PHC1: variants seen among roughly 807,000 people sequenced by gnomAD.
The protein encoded by PHC1 is polyhomeotic homolog 1.
In PHC1, 12 loss-of-function variants were observed where a neutral mutation model predicts 104.3. The ratio of observed to expected loss-of-function variants is 0.12; its 90% CI spans 0.07 to 0.19. The LOEUF (loss-of-function observed/expected upper bound fraction) is 0.19. Ranked by LOEUF, PHC1 falls within the 10% of genes least tolerant of loss-of-function variation. The pLI is 1.00. For missense variants in PHC1, 671 were observed against 1,200.0 expected (o/e 0.56, Z 6.51); for synonymous variants, 302 against 455.8 (o/e 0.66, Z 4.30).
rs781197942 is a variant in PHC1 at position 8,930,897 on chromosome 12, C to G, written c.1075C>G (p.Pro359Ala). Reference protein sequence around the residue: ...VGMNLTRTATPAPSQTLISSA... With the variant: ...VGMNLTRTATAAPSQTLISSA... ...CATGAACCTGACACGGACAGCCACA[C>G]CTGCGCCCAGCCAGACACTTATTAG... Residue 359 changes from proline to alanine, a missense_variant, in exon 7 of 15, where the codon CCT becomes GCT. Pro to Ala is a conservative substitution (Grantham distance 27). This residue lies in a region of PHC1 where 78 missense variants were observed against 140.8 expected (regional missense o/e 0.55). Coordinates refer to ENST00000544916, the MANE Select transcript of PHC1 (RefSeq NM_004426.3). 6.2e-7 allele frequency: 1 copy of G among 1,600,204 alleles called. No individual in the cohort carries two copies. Among genetic ancestry groups the G allele is most frequent in the Non-Finnish European group, 8.5e-7 (1 of 1,171,934 alleles).
chr12:8,928,420 T>C (rs975026047), intron 6 of PHC1, among the ~76,000 whole-genome samples: 5 of 128,370 alleles, frequency 3.9e-5, no homozygotes, highest in African/African-American at 1.2e-4. Context: ...GGTCTCGTCA[T>C]AACCTGTTAA....
chr12:8,929,699 C>T (rs938090934), intron 6 of PHC1, among the ~76,000 whole-genome samples: 1 of 151,814 alleles, frequency 6.6e-6, no homozygotes, highest in African/African-American at 2.4e-5. Context: ...GGCTAATTTT[C>T]TGTATTTTTT....
At chr12:8,920,434 G>A (rs762855088) in intron 3 of PHC1, among the ~76,000 whole-genome samples, 4 of 152,220 alleles carry the variant, frequency 2.6e-5, no homozygotes, top group African/African-American at 4.8e-5. Flanking sequence ...CTAGCTGGGC[G>A]TGGTGGCTTA....
intron 6 of PHC1, among the ~76,000 whole-genome samples, chr12:8,923,829 C>CAAAA (rs67936637): frequency 3.3e-5 from 4 of 122,386 alleles, no homozygotes; most frequent in Non-Finnish European, 4.8e-5. Context: ...GACTCCGTCT[C>CAAAA]AAAAAAAAAA....
chr12:8,923,919 G>A (rs11048037), intron 6 of PHC1, among the ~76,000 whole-genome samples: 2 of 151,408 alleles, frequency 1.3e-5, no homozygotes, highest in East Asian at 1.9e-4. Flanking sequence ...ATACAGCATC[G>A]TGTAACCATT....
At chr12:8,936,288 G>C (rs757530929) in intron 11 of PHC1, among the ~76,000 whole-genome samples, 1 of 152,292 alleles carries the variant, frequency 6.6e-6, no homozygotes, top group East Asian at 1.9e-4. Context: ...AGGCCAAAGT[G>C]GGAGGATCGC....
chr12:8,931,461 A>G (rs1317058865), intron 7 of PHC1, among the ~76,000 whole-genome samples: 8 of 152,152 alleles, frequency 5.3e-5, no homozygotes, highest in Admixed American at 1.3e-4. Context: ...AGCACTTTGG[A>G]AGGCCAAGGC....
chr12:8,924,863 A>G (rs1178416578), intron 6 of PHC1, among the ~76,000 whole-genome samples: 1 of 152,178 alleles, frequency 6.6e-6, no homozygotes. Flanking sequence ...AGGAAGAACT[A>G]TAGGGAGAAT....
chr12:8,935,185 G>C lies in PHC1; in HGVS notation c.2315G>C (p.Gly772Ala). Reference sequence around the variant, plus strand: ...CCACTACAGACTGGCCTTCCGACAGGGCTGACTGAGAATCAGTCAGGTGGC... The same window carrying C: ...CCACTACAGACTGGCCTTCCGACAGCGCTGACTGAGAATCAGTCAGGTGGC... ...EKPLQTGLPT[G>A]LTENQSGGPL... Residue 772 changes from glycine to alanine, a missense_variant, in exon 11 of 15, where the codon GGG becomes GCG. Around this residue, in one of 9 missense-constraint regions of PHC1, gnomAD observed 192 missense variants for 280.5 expected, o/e 0.68. Transcript: ENST00000544916. 6.3e-7 allele frequency: 1 copy of C among 1,592,496 alleles called. No homozygotes were observed. Among genetic ancestry groups the C allele is most frequent in the Non-Finnish European group, 8.6e-7 (1 of 1,166,728 alleles).
At chr12:8,922,860 A>G (rs754361764) in intron 6 of PHC1, 72 bp downstream of exon 6, 6 of 1,349,236 alleles carry the variant, frequency 4.4e-6, no homozygotes, top group Non-Finnish European at 5.1e-6. Context: ...ACCTGGGTCC[A>G]CCCTTCTGCC....
chr12:8,935,908 G>C (rs1392242353), intron 11 of PHC1, among the ~76,000 whole-genome samples: 1 of 151,958 alleles, frequency 6.6e-6, no homozygotes. Flanking sequence ...TTACAGGCAT[G>C]CGCCACCACG....
In PHC1 at chr12:8,933,370, T is replaced by G; in HGVS notation, c.1893+20T>G. On this transcript the variant is annotated intron_variant, in intron 8 of 14. Coordinates refer to ENST00000544916, the MANE Select transcript of PHC1 (RefSeq NM_004426.3). Reference sequence around the variant, plus strand: ...TTGCCGGTGAGTGATGTCTGATGGTTTTGAGGGCACTATTATGCATGAGAG... The same window carrying G: ...TTGCCGGTGAGTGATGTCTGATGGTGTTGAGGGCACTATTATGCATGAGAG... 2 of 1,539,866 alleles carry G rather than the reference T, an allele frequency of 1.3e-6. No individual in the cohort carries two copies. Among genetic ancestry groups the G allele is most frequent in the East Asian group, 2.4e-5 (1 of 42,442 alleles).
chr12:8,928,482 G>A (rs933006923), intron 6 of PHC1, among the ~76,000 whole-genome samples: 4 of 152,028 alleles, frequency 2.6e-5, no homozygotes, highest in Non-Finnish European at 5.9e-5. Flanking sequence ...GTGCAGTTCC[G>A]TCTACTGCCT....
chr12:8,931,608 G>C (rs1945687449), intron 7 of PHC1, among the ~76,000 whole-genome samples: 1 of 152,228 alleles, frequency 6.6e-6, no homozygotes, highest in Non-Finnish European at 1.5e-5. Flanking sequence ...GCTGAAGCAG[G>C]AGAGTAGCTT....
intron 8 of PHC1, 124 bp from the exon 9 acceptor site, chr12:8,933,741 G>A (rs954671015): frequency 4.1e-6 from 3 of 736,780 alleles, no homozygotes; most frequent in Non-Finnish European, 6.7e-6. Flanking sequence ...GTGTACCATG[G>A]GAAGTAGATA....
rs1945971898 is a variant in PHC1 at position 8,940,265 on chromosome 12, TA to T, written c.*809del. 6.2e-6 allele frequency: 1 copy of T among 161,232 alleles called. No homozygotes were observed. Among genetic ancestry groups the T allele is most frequent in the Admixed American group, 5.9e-5 (1 of 16,862 alleles). The allele number at this position is 161,232 out of a possible 1,614,324, so 10.0% of individuals were successfully genotyped here. ...ACTATTCCTTATATAACAAAAATATTAAATATTTTTTTCCTCAGTAAAAGGA... is the reference window on the plus strand; with the variant it reads ...ACTATTCCTTATATAACAAAAATATTAATATTTTTTTCCTCAGTAAAAGGA... On this transcript the variant is annotated 3_prime_UTR_variant, in exon 15 of 15. Coordinates refer to ENST00000544916, the MANE Select transcript of PHC1 (RefSeq NM_004426.3).
chr12:8,923,829 C>CAAAAAAAA (rs67936637), intron 6 of PHC1, among the ~76,000 whole-genome samples: 1 of 122,456 alleles, frequency 8.2e-6, no homozygotes, highest in Admixed American at 8.5e-5. Context: ...GACTCCGTCT[C>CAAAAAAAA]AAAAAAAAAA....
At chr12:8,922,877 C>T (rs1375366739) in intron 6 of PHC1, 89 bp downstream of exon 6, 1 of 1,139,792 alleles carries the variant, frequency 8.8e-7, no homozygotes, top group East Asian at 2.5e-5. Flanking sequence ...TGCCCCATTA[C>T]ACTTTTCAGA....
rs1245658295 is a variant in PHC1 at position 8,938,050 on chromosome 12, T to G, written c.2850T>G (p.Ala950=). The change falls in exon 14 of 15, where the codon GCT becomes GCG. Residue 950 remains alanine, a synonymous_variant. Transcript: ENST00000544916. ...WSVEEVYEFI[A]SLQGCQEIAE... ...TAGAGGAGGTGTACGAGTTTATTGC[T>G]TCTCTCCAAGGTACTGACCCTCTCT... The G allele has an allele frequency of 6.2e-7, 1 of 1,606,380 alleles. No individual in the cohort carries two copies. The highest frequency in any genetic ancestry group is 2.2e-5 in the East Asian group (1 of 44,830).
Sources: allele counts gnomAD v4.1 joint callset (sites outside exome capture counted in the v4.1 genomes callset), GRCh38; gene constraint gnomAD v4.1.1; regional missense constraint gnomAD v4.1.1; transcripts MANE v1.5; gene names NCBI Gene and HGNC (gene_info 2026-07-23, HGNC 2026-07-21).